The following IMMP2L variants were observed in gnomAD, a reference collection of about 807,000 sequenced individuals.
The protein encoded by IMMP2L is mitochondrial inner membrane protease subunit 2.
Under a neutral mutation model 19.3 loss-of-function variants are expected in IMMP2L, and 18 were observed. That is an observed-to-expected ratio of 0.93 (90% confidence interval 0.64 to 1.38). IMMP2L has a LOEUF of 1.38. Among genes scored for constraint, IMMP2L ranks in the 40% most tolerant of loss-of-function variants. The pLI, the probability that IMMP2L is intolerant of heterozygous loss-of-function variation, is 0.00. For missense variants in IMMP2L, 233 were observed against 218.2 expected, an observed-to-expected ratio of 1.07 and a Z score of -0.43; for synonymous variants, 76 against 73.0, an observed-to-expected ratio of 1.04 and a Z score of -0.21.
At chr7:110,948,500 T>C (rs1297400064) in intron 4 of IMMP2L, among the ~76,000 whole-genome samples, 1 of 152,212 alleles carries the variant, frequency 6.6e-6, no homozygotes, top group African/African-American at 2.4e-5. Flanking sequence ...GGAGTTGGGC[T>C]GGGCTTATAA....
intron 3 of IMMP2L, among the ~76,000 whole-genome samples, chr7:111,207,751 G>A (rs1177496541): frequency 6.6e-6 from 1 of 151,850 alleles, no homozygotes; most frequent in Non-Finnish European, 1.5e-5. Flanking sequence ...GGCCAGGATA[G>A]TCTCAATCTC....
chr7:110,935,258 C>T (rs113324648), intron 4 of IMMP2L, among the ~76,000 whole-genome samples: 3,587 of 152,144 alleles, frequency 0.024, 130 homozygotes, highest in African/African-American at 0.082. Flanking sequence ...GCTTATGAAG[C>T]TTAGTTTGGG....
intron 5 of IMMP2L, among the ~76,000 whole-genome samples, chr7:110,720,773 C>T (rs958900998): frequency 1.3e-5 from 2 of 152,074 alleles, no homozygotes; most frequent in African/African-American, 2.4e-5. Context: ...CTTCTCTTAG[C>T]GGTTCTGCCT....
intron 3 of IMMP2L, among the ~76,000 whole-genome samples, chr7:111,363,302 T>C (rs971591057): frequency 2.0e-5 from 3 of 152,100 alleles, no homozygotes; most frequent in Non-Finnish European, 2.9e-5. Flanking sequence ...TGGGGCCCCA[T>C]TCCAAACATA....
Position 110,736,435 on chromosome 7 carries a change from C to A in IMMP2L, c.409-72714G>T, listed in dbSNP as rs1477650225. 1.1e-4 allele frequency among the ~76,000 whole-genome samples: 16 copies of A among 152,274 alleles called. No homozygotes were observed. In the East Asian group the frequency reaches 3.1e-3, roughly 29 times the overall value. The stretch of plus-strand genomic sequence containing the variant: ...GCAGGACTACTTCCAAGACCCTGGA[C>A]CAGCAGAGCCACCAGCATGTAATTT... On this transcript the variant is annotated intron_variant, in intron 5 of 5. Coordinates refer to ENST00000405709, the MANE Select transcript of IMMP2L (RefSeq NM_032549.4).
At chr7:110,889,771 C>T (rs928963211) in intron 4 of IMMP2L, among the ~76,000 whole-genome samples, 1 of 152,206 alleles carries the variant, frequency 6.6e-6, no homozygotes, top group African/African-American at 2.4e-5. Flanking sequence ...CATTTTCAAG[C>T]TTACATGATC....
At chr7:110,751,951 G>C (rs920623666) in intron 5 of IMMP2L, among the ~76,000 whole-genome samples, 14 of 151,884 alleles carry the variant, frequency 9.2e-5, no homozygotes, top group African/African-American at 3.4e-4. Context: ...CATCCCAATT[G>C]GCGGGAAAGA....
chr7:111,321,424 A>G (rs1204881422), intron 3 of IMMP2L, among the ~76,000 whole-genome samples: 1 of 152,040 alleles, frequency 6.6e-6, no homozygotes, highest in Non-Finnish European at 1.5e-5. Context: ...CTGAGAAGCT[A>G]GAGACTACTC....
intron 3 of IMMP2L, chr7:111,124,954 C>G: frequency 8.3e-7 from 1 of 1,198,314 alleles, no homozygotes; most frequent in South Asian, 1.5e-5. Context: ...AAGCGAAAGA[C>G]TGCAGTTGTG....
intron 5 of IMMP2L, among the ~76,000 whole-genome samples, chr7:110,682,127 T>G (rs1792765057): frequency 6.6e-6 from 1 of 152,142 alleles, no homozygotes; most frequent in Non-Finnish European, 1.5e-5. Flanking sequence ...TATGCCTCCT[T>G]GAAAACTCTC....
intron 3 of IMMP2L, among the ~76,000 whole-genome samples, chr7:111,425,635 A>G (rs1387652395): frequency 1.3e-5 from 2 of 151,082 alleles, no homozygotes; most frequent in African/African-American, 4.9e-5. Context: ...TTGTCTTTTG[A>G]CTTCTCTGTA....
chr7:111,073,710 T>C (rs886123105), intron 3 of IMMP2L, among the ~76,000 whole-genome samples: 2 of 152,202 alleles, frequency 1.3e-5, no homozygotes, highest in Admixed American at 6.5e-5. Flanking sequence ...GAGAGGCATC[T>C]TCTGTTAACT....
intron 4 of IMMP2L, among the ~76,000 whole-genome samples, chr7:110,905,829 T>C (rs1812392773): frequency 6.6e-6 from 1 of 152,212 alleles, no homozygotes; most frequent in African/African-American, 2.4e-5. Flanking sequence ...TTTATCATAC[T>C]CTCACTTCTT....
intron 1 of IMMP2L, among the ~76,000 whole-genome samples, chr7:111,522,271 A>T (rs1429006638): frequency 6.6e-6 from 1 of 152,060 alleles, no homozygotes; most frequent in Admixed American, 6.6e-5. Context: ...TTTTTGGATA[A>T]GACTTCAAAA....
At chr7:111,489,334 C>T (rs373609579) in intron 2 of IMMP2L, among the ~76,000 whole-genome samples, 78 of 152,202 alleles carry the variant, frequency 5.1e-4, no homozygotes, top group African/African-American at 1.8e-3. Context: ...TGAGCCACCG[C>T]GCCTGGCCTC....
At chr7:111,205,458 G>A (rs1378531687) in intron 3 of IMMP2L, among the ~76,000 whole-genome samples, 2 of 152,064 alleles carry the variant, frequency 1.3e-5, no homozygotes, top group African/African-American at 4.8e-5. Flanking sequence ...TTGTCACAGA[G>A]CCAATTTCCT....
At chr7:111,191,753 C>A (rs1808904866) in intron 3 of IMMP2L, among the ~76,000 whole-genome samples, 1 of 152,042 alleles carries the variant, frequency 6.6e-6, no homozygotes, top group Non-Finnish European at 1.5e-5. Context: ...AACAAGAAAA[C>A]ATTTTTTTAA....
intron 3 of IMMP2L, among the ~76,000 whole-genome samples, chr7:111,369,920 C>A (rs533729813): frequency 2.6e-5 from 4 of 151,900 alleles, no homozygotes; most frequent in African/African-American, 7.2e-5. Context: ...AAGCACTCAC[C>A]GCCATGAAAT....
chr7:111,094,212 G>T (rs532291338), intron 3 of IMMP2L, among the ~76,000 whole-genome samples: 1 of 152,066 alleles, frequency 6.6e-6, no homozygotes, highest in South Asian at 2.1e-4. Flanking sequence ...AATCTAAGTT[G>T]ATCAGAAAGC....
Sources: allele counts gnomAD v4.1 joint callset (sites outside exome capture counted in the v4.1 genomes callset), GRCh38; gene constraint gnomAD v4.1.1; transcripts MANE v1.5; gene names NCBI Gene and HGNC (gene_info 2026-07-23, HGNC 2026-07-21).